Variants in INTS14 observed in about 807,000 individuals in gnomAD.
INTS14 encodes the protein integrator complex subunit 14.
In INTS14, 27 loss-of-function variants were observed where a neutral mutation model predicts 56.9. The observed-to-expected ratio is 0.47, with a 90% CI of 0.35 to 0.65. The LOEUF is 0.65. Ranked by LOEUF, INTS14 falls within the 30% of genes least tolerant of loss-of-function variation. The probability of loss-of-function intolerance (pLI) is 0.00; values close to 1 mark genes in which losing one functional copy is unlikely to be tolerated. For synonymous variants in INTS14, 207 were observed against 236.2 expected, an observed-to-expected ratio of 0.88 and a Z score of 1.13; for missense variants, 517 against 632.2, an observed-to-expected ratio of 0.82 and a Z score of 1.95.
intron 1 of INTS14, among the ~76,000 whole-genome samples, chr15:65,609,029 C>T (rs1166796332): frequency 1.3e-5 from 2 of 152,230 alleles, no homozygotes; most frequent in East Asian, 1.9e-4. Flanking sequence ...TCCCGAGTAG[C>T]CGGGACTACA....
intron 11 of INTS14, 111 bp from the exon 12 acceptor site, chr15:65,579,770 TTA>T: frequency 7.0e-7 from 1 of 1,420,424 alleles, no homozygotes; most frequent in South Asian, 1.5e-5. Flanking sequence ...GGGAGCAATT[TTA>T]TATGAGAACA....
rs71139418 is a variant in INTS14, at chr15:65,582,030, T to TA, written c.1240-12dup. The TA allele has an allele frequency of 0.21, 281,991 of 1,351,690 alleles. 10,995 individuals carry two copies. Among genetic ancestry groups the TA allele is most frequent in the East Asian group, 0.53 (20,400 of 38,650 alleles). The allele number at this position is 1,351,690 out of a possible 1,614,324, so 83.7% of individuals were successfully genotyped here. ...CTTCTGTACATCTGTCTATTAAGGG[T>TA]AAAAAAAAAAATCCAACATTAGAAT... On this transcript the variant is annotated splice_polypyrimidine_tract_variant and intron_variant, in intron 10 of 11. Coordinates refer to ENST00000313182, the MANE Select transcript of INTS14 (RefSeq NM_001394796.1).
chr15:65,592,809 T>C (rs1362800095), intron 8 of INTS14, among the ~76,000 whole-genome samples: 2 of 152,144 alleles, frequency 1.3e-5, no homozygotes, highest in Non-Finnish European at 2.9e-5. Flanking sequence ...CCTAAGATCC[T>C]AAAGCAAGTT....
At chr15:65,596,393 T>C (rs575471090) in intron 6 of INTS14, among the ~76,000 whole-genome samples, 1 of 152,080 alleles carries the variant, frequency 6.6e-6, no homozygotes, top group African/African-American at 2.4e-5. Flanking sequence ...TTCGATTATA[T>C]AATATAAAAA....
chr15:65,599,363 T>G, intron 4 of INTS14: 1 of 189,034 alleles, frequency 5.3e-6, no homozygotes. Context: ...CCTTCCCAAA[T>G]GAATGGGAAA....
chr15:65,608,364 C>CAAAA (rs35399300), intron 1 of INTS14, among the ~76,000 whole-genome samples: 10 of 64,018 alleles, frequency 1.6e-4, no homozygotes, highest in Admixed American at 3.6e-4. Flanking sequence ...GGCTCCATCT[C>CAAAA]AAAAAAAAAA....
At chr15:65,609,189 G>A (rs557255191) in intron 1 of INTS14, among the ~76,000 whole-genome samples, 1 of 152,114 alleles carries the variant, frequency 6.6e-6, no homozygotes, top group African/African-American at 2.4e-5. Flanking sequence ...TTCTGACCTC[G>A]TGATCCACCT....
At position 65,598,325 on chromosome 15, in the gene INTS14, G is replaced by A. The variant is rs1566927618; in HGVS notation, c.744C>T (p.Asn248=). 2 of 1,612,618 alleles carry A rather than the reference G, an allele frequency of 1.2e-6. No individual in the cohort carries two copies. Among genetic ancestry groups the A allele is most frequent in the Admixed American group, 3.4e-5 (2 of 59,510 alleles). ...EEIDPIPKVI[N]TDLEIVGFID... is the part of the protein sequence containing the mutation. Reference sequence around the variant, plus strand: ...TAAGTTTTTTTAAAAAGTTACCTGTGTTAATGACTTTAGGGATAGGATCAA... The same window carrying A: ...TAAGTTTTTTTAAAAAGTTACCTGTATTAATGACTTTAGGGATAGGATCAA... Residue 248 remains asparagine, a synonymous_variant, in exon 6 of 12, where the codon AAC becomes AAT. Coordinates refer to ENST00000313182, the MANE Select transcript of INTS14 (RefSeq NM_001394796.1).
intron 1 of INTS14, among the ~76,000 whole-genome samples, chr15:65,610,075 T>TA (rs58295070): frequency 0.22 from 31,463 of 142,344 alleles, 4,214 homozygotes; most frequent in East Asian, 0.74. Flanking sequence ...TAGGCCTGAT[T>TA]AAAAAAAAAA....
chr15:65,607,082 A>G (rs16948873), intron 2 of INTS14, 77 bp downstream of exon 2: 109,563 of 1,519,988 alleles, frequency 0.072, 6,864 homozygotes, highest in African/African-American at 0.33. Flanking sequence ...AGTTCTAAAT[A>G]TTCAACGCAT....
At chr15:65,581,916 C>T in intron 11 of INTS14, 38 bp downstream of exon 11, 2 of 1,600,220 alleles carry the variant, frequency 1.2e-6, no homozygotes, top group Non-Finnish European at 1.7e-6. Flanking sequence ...CTGTCGTGAA[C>T]CATATATTTT....
intron 3 of INTS14, among the ~76,000 whole-genome samples, chr15:65,604,802 T>C (rs1366558809): frequency 2.6e-5 from 4 of 151,844 alleles, no homozygotes; most frequent in African/African-American, 9.7e-5. Context: ...ATTATACTGA[T>C]GTTTACAATT....
rs1265943363 is a variant in INTS14, at chr15:65,582,002, A to C, written c.1257T>G (p.Ile419Met). The C allele has an allele frequency of 6.2e-7, 1 of 1,612,120 alleles. No individual in the cohort carries two copies. Among genetic ancestry groups the C allele is most frequent in the South Asian group, 1.1e-5 (1 of 90,898 alleles). Residue 419 changes from isoleucine (I) to methionine (M), a missense_variant, in exon 11 of 12, where the codon ATT becomes ATG. Physicochemically the swap from Ile to Met is conservative, Grantham distance 10. Coordinates refer to ENST00000313182, the MANE Select transcript of INTS14 (RefSeq NM_001394796.1). ...PSGLQTDVQK[I>M]LRNARKLPEK... ...CAGGTAGTTTCCTTGCATTTCTTAA[A>C]ATCTTCTGTACATCTGTCTATTAAG...
Position 65,593,573 on chromosome 15 carries a change from C to A in INTS14, c.842-1G>T. The A allele has an allele frequency of 1.9e-6, 3 of 1,603,182 alleles. No individual in the cohort carries two copies. The highest frequency in any genetic ancestry group is 1.7e-6 in the Non-Finnish European group (2 of 1,176,730). ...ATGCCAGTACCCACCTCATCACCTT[C>A]TGTGAAAAAAAGAGAAAACAGGTCA... On this transcript the variant is annotated splice_acceptor_variant, in intron 7 of 11. Coordinates refer to ENST00000313182, the MANE Select transcript of INTS14 (RefSeq NM_001394796.1). LOFTEE classifies it high-confidence loss of function.
chr15:65,610,871 G>A, intron 1 of INTS14: 2 of 1,509,422 alleles, frequency 1.3e-6, no homozygotes, highest in Non-Finnish European at 1.8e-6. Context: ...GCTGAGCAGA[G>A]GGCGAAATCG....
chr15:65,605,077 CT>C (rs939731401), intron 3 of INTS14, 51 bp downstream of exon 3: 28 of 1,372,938 alleles, frequency 2.0e-5, no homozygotes, highest in Middle Eastern at 1.8e-4. Flanking sequence ...ATCGAAGCAC[CT>C]CAGTGGTTAA....
chr15:65,610,578 A>G, intron 1 of INTS14: 2 of 1,277,972 alleles, frequency 1.6e-6, no homozygotes, highest in South Asian at 2.5e-5. Flanking sequence ...CATCAGCTAG[A>G]CGTTTGTAAT....
intron 3 of INTS14, among the ~76,000 whole-genome samples, chr15:65,600,321 C>CAAAAA (rs2073383766): frequency 6.6e-6 from 1 of 150,468 alleles, no homozygotes; most frequent in African/African-American, 2.4e-5. Flanking sequence ...TAAAACAAAA[C>CAAAAA]AAAACAAAAC....
intron 9 of INTS14, among the ~76,000 whole-genome samples, chr15:65,585,696 C>T (rs1319836149): frequency 6.6e-6 from 1 of 152,202 alleles, no homozygotes; most frequent in African/African-American, 2.4e-5. Flanking sequence ...TTATTACCAC[C>T]TTCTCGTGTA....
Sources: allele counts gnomAD v4.1 joint callset (sites outside exome capture counted in the v4.1 genomes callset), GRCh38; gene constraint gnomAD v4.1.1; transcripts MANE v1.5; gene names NCBI Gene and HGNC (gene_info 2026-07-23, HGNC 2026-07-21).